PLCB4: variants seen among roughly 807,000 people sequenced by gnomAD.
PLCB4 encodes the protein 1-phosphatidylinositol 4,5-bisphosphate phosphodiesterase beta-4.
A neutral mutation model predicts 178.8 loss-of-function variants in PLCB4; 77 were observed. The ratio of observed to expected loss-of-function variants is 0.43; its 90% CI spans 0.36 to 0.52. The LOEUF (loss-of-function observed/expected upper bound fraction) is 0.52, where lower values mean the gene tolerates loss of function less well. Among genes scored for constraint, PLCB4 ranks in the 20% least tolerant of loss-of-function variants. PLCB4 has a pLI of 0.00. For synonymous variants in PLCB4, 496 were observed against 490.8 expected, an observed-to-expected ratio of 1.01 and a Z score of -0.14; for missense variants, 1,024 against 1,453.4, an observed-to-expected ratio of 0.70 and a Z score of 4.80.
intron 3 of PLCB4, among the ~76,000 whole-genome samples, chr20:9,247,410 A>T (rs868180713): frequency 6.6e-6 from 1 of 152,218 alleles, no homozygotes; most frequent in Non-Finnish European, 1.5e-5. Context: ...GAACACTTGC[A>T]TGTATAACAT....
At chr20:9,358,701 C>T (rs2035053148) in intron 7 of PLCB4, among the ~76,000 whole-genome samples, 1 of 152,104 alleles carries the variant, frequency 6.6e-6, no homozygotes, top group South Asian at 2.1e-4. Flanking sequence ...TCAACACACC[C>T]TGGCCGACAT....
intron 13 of PLCB4, 50 bp downstream of exon 13, chr20:9,380,212 A>G (rs749495306): frequency 2.2e-6 from 2 of 910,096 alleles, no homozygotes; most frequent in Middle Eastern, 3.0e-4. Context: ...AAAAGATGCA[A>G]CTTTTAAAGC....
intron 4 of PLCB4, among the ~76,000 whole-genome samples, chr20:9,313,774 T>TACC (rs1047268100): frequency 1.3e-5 from 2 of 152,188 alleles, no homozygotes; most frequent in Non-Finnish European, 2.9e-5. Flanking sequence ...CTCACCGCTA[T>TACC]ACCACCACCA....
At chr20:9,200,957 G>A (rs1187868861) in intron 2 of PLCB4, among the ~76,000 whole-genome samples, 2 of 152,088 alleles carry the variant, frequency 1.3e-5, no homozygotes, top group South Asian at 2.1e-4. Context: ...TCCATCTATG[G>A]GAATAGATAA....
chr20:9,427,731 C>G (rs2041123655), intron 28 of PLCB4, among the ~76,000 whole-genome samples: 1 of 152,210 alleles, frequency 6.6e-6, no homozygotes, highest in African/African-American at 2.4e-5. Context: ...TTTTCACCCA[C>G]TGTTGCTTTG....
chr20:9,118,881 G>C (rs2091869387), intron 2 of PLCB4, among the ~76,000 whole-genome samples: 2 of 152,032 alleles, frequency 1.3e-5, no homozygotes, highest in Admixed American at 6.6e-5. Flanking sequence ...TATCTGAATG[G>C]GCTCAGTTAA....
intron 1 of PLCB4, among the ~76,000 whole-genome samples, chr20:9,094,138 A>G (rs2090802601): frequency 6.6e-6 from 1 of 152,162 alleles, no homozygotes; most frequent in South Asian, 2.1e-4. Context: ...CATTTCCCCA[A>G]TTACATGAAT....
chr20:9,168,411 C>T (rs904552773), intron 2 of PLCB4, among the ~76,000 whole-genome samples: 2 of 152,204 alleles, frequency 1.3e-5, no homozygotes, highest in African/African-American at 4.8e-5. Flanking sequence ...GTTGATGAAG[C>T]TGCTGTTGAG....
At chr20:9,426,797 G>T (rs1277794254) in intron 28 of PLCB4, among the ~76,000 whole-genome samples, 6 of 151,958 alleles carry the variant, frequency 3.9e-5, no homozygotes, top group African/African-American at 1.5e-4. Context: ...AGCTGTATAG[G>T]ATTACATTTT....
At chr20:9,227,766 A>G (rs527639777) in intron 3 of PLCB4, among the ~76,000 whole-genome samples, 1 of 152,242 alleles carries the variant, frequency 6.6e-6, no homozygotes, top group South Asian at 2.1e-4. Context: ...TGAGTCCTCT[A>G]GCTTTGTTCT....
intron 2 of PLCB4, among the ~76,000 whole-genome samples, chr20:9,128,899 C>T (rs1322182681): frequency 6.6e-6 from 1 of 152,120 alleles, no homozygotes; most frequent in Non-Finnish European, 1.5e-5. Flanking sequence ...CTCTAGGTTC[C>T]CCATATAAGT....
chr20:9,437,839 A>C (rs2041868514), intron 30 of PLCB4, among the ~76,000 whole-genome samples: 1 of 152,254 alleles, frequency 6.6e-6, no homozygotes, highest in Admixed American at 6.5e-5. Context: ...TATGATACTC[A>C]TGCTTCTGTT....
At chr20:9,086,467 G>T (rs889206238) in intron 1 of PLCB4, among the ~76,000 whole-genome samples, 1 of 152,032 alleles carries the variant, frequency 6.6e-6, no homozygotes, top group African/African-American at 2.4e-5. Flanking sequence ...CATTGACCTC[G>T]TCCTCCTTAT....
intron 27 of PLCB4, among the ~76,000 whole-genome samples, 168 bp downstream of exon 27, chr20:9,421,629 G>T (rs1312972813): frequency 3.4e-3 from 1 of 290 alleles, no homozygotes; most frequent in Non-Finnish European, 7.5e-3. Context: ...GTTCTATTTG[G>T]CCCTGCCTCC....
At chr20:9,211,792 T>C (rs930668720) in intron 2 of PLCB4, among the ~76,000 whole-genome samples, 7 of 152,258 alleles carry the variant, frequency 4.6e-5, no homozygotes, top group African/African-American at 1.7e-4. Flanking sequence ...AGGTAAGTGC[T>C]AATGCCCATG....
intron 8 of PLCB4, among the ~76,000 whole-genome samples, chr20:9,364,627 GCT>G (rs1490269035): frequency 6.6e-6 from 1 of 152,106 alleles, no homozygotes; most frequent in Non-Finnish European, 1.5e-5. Context: ...TCTTTTTTCT[GCT>G]CAGTCTTCTC....
chr20:9,340,652 C>G (rs1021391979), intron 7 of PLCB4, among the ~76,000 whole-genome samples: 1 of 152,070 alleles, frequency 6.6e-6, no homozygotes, highest in Non-Finnish European at 1.5e-5. Context: ...TTACAAGAAA[C>G]AGGATGATGC....
intron 35 of PLCB4, among the ~76,000 whole-genome samples, chr20:9,467,806 T>TG (rs1226662016): frequency 6.6e-6 from 1 of 152,228 alleles, no homozygotes; most frequent in Non-Finnish European, 1.5e-5. Flanking sequence ...GTAACCTGAC[T>TG]GCTTGTATGC....
intron 14 of PLCB4, among the ~76,000 whole-genome samples, chr20:9,387,227 T>C (rs2037754316): frequency 6.6e-6 from 1 of 152,162 alleles, no homozygotes; most frequent in Non-Finnish European, 1.5e-5. Context: ...ACCATGATGC[T>C]TGTTATATTT....
Sources: allele counts gnomAD v4.1 joint callset (sites outside exome capture counted in the v4.1 genomes callset), GRCh38; gene constraint gnomAD v4.1.1; transcripts MANE v1.5; gene names NCBI Gene and HGNC (gene_info 2026-07-23, HGNC 2026-07-21).